The following DCHS2 variants were observed in gnomAD, a reference collection of about 807,000 sequenced individuals.
DCHS2 encodes dachsous cadherin-related 2, also known as protocadherin-23.
Under a neutral mutation model 182.4 loss-of-function variants are expected in DCHS2, and 142 were observed. The observed-to-expected ratio is 0.78, with a 90% CI of 0.68 to 0.89. The LOEUF is 0.89. Ranked by LOEUF, DCHS2 falls within the 40% of genes least tolerant of loss-of-function variation. DCHS2 has a pLI of 0.00. For synonymous variants in DCHS2, 1,740 were observed against 1,663.3 expected (o/e 1.05, Z -1.12); for missense variants, 4,319 against 4,198.6 (o/e 1.03, Z -0.79).
At chr4:154,391,244 C>G (rs779824071) in intron 1 of DCHS2, 1 of 1,612,894 alleles carries the variant, frequency 6.2e-7, no homozygotes, top group Non-Finnish European at 8.5e-7. Flanking sequence ...GCTGAGTAAA[C>G]ATCTTCTTTT....
chr4:154,435,121 T>C (rs10013533), intron 1 of DCHS2, among the ~76,000 whole-genome samples: 77,658 of 152,026 alleles, frequency 0.51, 20,991 homozygotes, highest in Middle Eastern at 0.67. Context: ...AGGTTAACAA[T>C]AGGGAAAACT....
At chr4:154,277,060 G>A (rs563921496) in intron 13 of DCHS2, among the ~76,000 whole-genome samples, 2 of 152,238 alleles carry the variant, frequency 1.3e-5, no homozygotes, top group African/African-American at 4.8e-5. Context: ...AGCAGTCACT[G>A]TGTTTTCTTT....
chr4:154,276,042 TC>T (rs760936689), intron 13 of DCHS2, among the ~76,000 whole-genome samples: 1 of 152,184 alleles, frequency 6.6e-6, no homozygotes. Flanking sequence ...AATTGGAGAT[TC>T]TCTTGAAAAA....
chr4:154,329,325 C>T (rs78214687), intron 6 of DCHS2, among the ~76,000 whole-genome samples, 198 bp downstream of exon 6: 3,760 of 152,226 alleles, frequency 0.025, 66 homozygotes, highest in African/African-American at 0.048. Context: ...AGGTACAATG[C>T]CAAAGAGCAC....
At chr4:154,273,386 C>A (rs1347752234) in intron 13 of DCHS2, among the ~76,000 whole-genome samples, 1 of 151,956 alleles carries the variant, frequency 6.6e-6, no homozygotes, top group Non-Finnish European at 1.5e-5. Flanking sequence ...TATTCTCATT[C>A]GTATGTGGGA....
chr4:154,336,487 T>C (rs1017321985), intron 3 of DCHS2, among the ~76,000 whole-genome samples: 1 of 152,228 alleles, frequency 6.6e-6, no homozygotes, highest in African/African-American at 2.4e-5. Flanking sequence ...AATTAGTTAA[T>C]GAATGAATAC....
intron 2 of DCHS2, among the ~76,000 whole-genome samples, chr4:154,372,737 G>A (rs78074005): frequency 0.013 from 1,912 of 152,300 alleles, 38 homozygotes; most frequent in African/African-American, 0.044. Context: ...GTTACATTAT[G>A]TAATTTTATA....
At chr4:154,240,370 A>G (rs1731748913) in intron 18 of DCHS2, among the ~76,000 whole-genome samples, 167 bp downstream of exon 18, 1 of 152,062 alleles carries the variant, frequency 6.6e-6, no homozygotes, top group African/African-American at 2.4e-5. Flanking sequence ...TTCCATATGT[A>G]CTTATAGACT....
At chr4:154,305,489 T>C (rs992048290) in intron 10 of DCHS2, among the ~76,000 whole-genome samples, 3 of 152,166 alleles carry the variant, frequency 2.0e-5, no homozygotes, top group Non-Finnish European at 4.4e-5. Context: ...TTCCTTCCCA[T>C]AAAAAATTTC....
At chr4:154,449,516 G>T (rs1283620219) in intron 1 of DCHS2, among the ~76,000 whole-genome samples, 1 of 151,908 alleles carries the variant, frequency 6.6e-6, no homozygotes, top group Non-Finnish European at 1.5e-5. Context: ...GACTACAGGT[G>T]CGTGCCACCA....
Position 154,235,412 on chromosome 4 carries a change from C to T in DCHS2, c.9240G>A (p.Lys3080=), listed in dbSNP as rs1731421379. 1.2e-6 allele frequency: 2 copies of T among 1,614,048 alleles called. No individual in the cohort carries two copies. The highest frequency in any genetic ancestry group is 2.2e-5 in the East Asian group (1 of 44,876). The change falls in exon 20 of 20, where the codon AAG becomes AAA. Residue 3080 remains lysine (K), a synonymous_variant. Transcript: ENST00000357232. ...EWLSLISIME[K]DIVNLYRHSN... ...AGTGTCTGTACAGATTGACAATATC[C>T]TTCTCCATGATACTTATTAAACTCA...
intron 18 of DCHS2, among the ~76,000 whole-genome samples, chr4:154,239,653 T>C (rs1731706233): frequency 6.6e-6 from 1 of 151,820 alleles, no homozygotes; most frequent in Admixed American, 6.6e-5. Context: ...GGACTACAGG[T>C]ACCTATCACC....
intron 3 of DCHS2, among the ~76,000 whole-genome samples, chr4:154,354,146 G>A (rs1192566270): frequency 6.6e-6 from 1 of 152,106 alleles, no homozygotes; most frequent in African/African-American, 2.4e-5. Flanking sequence ...GACTGGCCTC[G>A]AATTCCTGGG....
chr4:154,399,153 A>C (rs954143109), intron 1 of DCHS2, among the ~76,000 whole-genome samples: 1 of 152,216 alleles, frequency 6.6e-6, no homozygotes, highest in African/African-American at 2.4e-5. Flanking sequence ...TAAATGCTAG[A>C]CTGTCATGCC....
intron 2 of DCHS2, among the ~76,000 whole-genome samples, chr4:154,375,557 G>A (rs1013802665): frequency 3.3e-5 from 5 of 151,400 alleles, no homozygotes; most frequent in East Asian, 3.9e-4. Context: ...CAAATTATAC[G>A]AATAGCAATA....
At chr4:154,269,745 T>G (rs539682033) in intron 14 of DCHS2, among the ~76,000 whole-genome samples, 155 bp downstream of exon 14, 3 of 150,192 alleles carry the variant, frequency 2.0e-5, no homozygotes, top group Non-Finnish European at 4.5e-5. Flanking sequence ...AAATAGTTTT[T>G]GATTTCCCAT....
chr4:154,376,996 A>G (rs767975305), intron 2 of DCHS2, among the ~76,000 whole-genome samples: 3 of 152,214 alleles, frequency 2.0e-5, no homozygotes, highest in Non-Finnish European at 4.4e-5. Flanking sequence ...TAGAAAGGAT[A>G]TAAGATATCA....
chr4:154,399,347 A>C (rs1732062461), intron 1 of DCHS2, among the ~76,000 whole-genome samples: 1 of 152,238 alleles, frequency 6.6e-6, no homozygotes, highest in South Asian at 2.1e-4. Context: ...AAAACTAGTG[A>C]GTACAAATCT....
intron 10 of DCHS2, among the ~76,000 whole-genome samples, chr4:154,314,563 C>T (rs7683566): frequency 0.81 from 122,670 of 152,140 alleles, 52,004 homozygotes; most frequent in South Asian, 0.94. Flanking sequence ...CATTAAAAGA[C>T]AGTGTTTTCC....
Sources: gnomAD v4.1 joint callset for allele counts (sites outside exome capture counted in the v4.1 genomes callset) on GRCh38, gnomAD v4.1.1 for gene constraint, MANE v1.5 for transcripts, NCBI Gene and HGNC (gene_info 2026-07-23, HGNC 2026-07-21) for gene names.